PPFIBP1: variants seen among roughly 807,000 people sequenced by gnomAD.
PPFIBP1 encodes the protein PPFIB scaffold protein 1.
PPFIBP1 carries 112 observed loss-of-function variants against 137.8 expected under a neutral mutation model. The observed-to-expected ratio is 0.81, with a 90% confidence interval of 0.70 to 0.95. The LOEUF is 0.95. PPFIBP1 is among the 40% of genes least tolerant of loss of function. The probability of loss-of-function intolerance (pLI) is 0.00; values close to 1 mark genes in which losing one functional copy is unlikely to be tolerated. For missense variants in PPFIBP1, 1,083 were observed against 1,196.6 expected (o/e 0.91, Z 1.40); for synonymous variants, 378 against 417.3 (o/e 0.91, Z 1.15).
chr12:27,540,666 G>C (rs983234280), intron 1 of PPFIBP1, among the ~76,000 whole-genome samples: 5 of 152,206 alleles, frequency 3.3e-5, no homozygotes, highest in African/African-American at 1.2e-4. Context: ...ATTGTTGTCA[G>C]CTGCCCCAAA....
rs79595784 is a variant in PPFIBP1 at position 27,681,036 on chromosome 12, C to G, written c.1896-510C>G. Among the ~76,000 whole-genome samples the G allele has an allele frequency of 2.4e-4, 36 of 152,256 alleles. No homozygotes were observed. The East Asian group carries it at 5.8e-3, about 24-fold the overall frequency. On this transcript the variant is annotated intron_variant, in intron 21 of 29. Transcript: ENST00000228425. ...TCCCCTCCGCACCCTGCCCCCACCC[C>G]GGAACAAGAACACTATTTGTGTATC...
chr12:27,691,885 A>T lies in PPFIBP1; in HGVS notation c.2822A>T (p.Asp941Val), dbSNP rs772576670. 4.3e-6 allele frequency: 7 copies of T among 1,613,844 alleles called. No homozygotes were observed. The highest frequency in any genetic ancestry group is 5.9e-6 in the Non-Finnish European group (7 of 1,179,938). Residue 941 changes from aspartate to valine, a missense_variant, in exon 28 of 30, where the codon GAT becomes GTT. Asp to Val is a radical substitution (Grantham distance 152). Coordinates refer to ENST00000228425, the MANE Select transcript of PPFIBP1 (RefSeq NM_003622.4). ...AAGAAAGGATTTAAACCTGGTTTGGATATGCGCCTGTATGAGGAAGATGAT... is the reference window on the plus strand; with the variant it reads ...AAGAAAGGATTTAAACCTGGTTTGGTTATGCGCCTGTATGAGGAAGATGAT... ...ASKKGFKPGLDMRLYEEDDLD... is the reference protein window; with the variant it reads ...ASKKGFKPGLVMRLYEEDDLD...
chr12:27,631,438 C>T (rs1302150114), intron 2 of PPFIBP1, among the ~76,000 whole-genome samples: 2 of 152,176 alleles, frequency 1.3e-5, no homozygotes, highest in Non-Finnish European at 1.5e-5. Context: ...TAGCACCTAC[C>T]ACCTTCGCCA....
intron 2 of PPFIBP1, among the ~76,000 whole-genome samples, chr12:27,623,708 C>CA (rs540374642): frequency 1.1e-4 from 16 of 149,558 alleles, no homozygotes; most frequent in African/African-American, 2.9e-4. Flanking sequence ...GACCTTGTCT[C>CA]AAAAAAAACA....
intron 7 of PPFIBP1, 104 bp downstream of exon 7, chr12:27,650,245 G>A: frequency 2.1e-6 from 2 of 960,624 alleles, no homozygotes; most frequent in South Asian, 3.0e-5. Context: ...CCCTGGAGGT[G>A]TGCAAGGAAG....
At chr12:27,680,645 C>T (rs2060821739) in intron 21 of PPFIBP1, among the ~76,000 whole-genome samples, 1 of 152,164 alleles carries the variant, frequency 6.6e-6, no homozygotes, top group South Asian at 2.1e-4. Flanking sequence ...AAAATGCTAT[C>T]AGAATCCTTG....
At chr12:27,531,100 C>T (rs994822962) in intron 1 of PPFIBP1, among the ~76,000 whole-genome samples, 9 of 152,096 alleles carry the variant, frequency 5.9e-5, no homozygotes, top group African/African-American at 9.7e-5. Flanking sequence ...AAAATAAAAA[C>T]GTGTTATTTT....
intron 2 of PPFIBP1, among the ~76,000 whole-genome samples, chr12:27,629,641 T>A (rs767692626): frequency 1.3e-5 from 2 of 152,240 alleles, no homozygotes; most frequent in Non-Finnish European, 2.9e-5. Context: ...CAGGGAATCT[T>A]CCTCTCAGAA....
chr12:27,574,244 C>G (rs1205923656), intron 1 of PPFIBP1, among the ~76,000 whole-genome samples: 1 of 152,048 alleles, frequency 6.6e-6, no homozygotes, highest in East Asian at 1.9e-4. Context: ...GGATAGAGCT[C>G]TTTTTGCCAG....
At chr12:27,614,600 A>G (rs2055539630) in intron 2 of PPFIBP1, among the ~76,000 whole-genome samples, 1 of 152,132 alleles carries the variant, frequency 6.6e-6, no homozygotes, top group Admixed American at 6.5e-5. Context: ...CTAATGGGCC[A>G]GTTGTCAGGG....
intron 2 of PPFIBP1, among the ~76,000 whole-genome samples, chr12:27,622,533 T>C (rs151153805): frequency 5.9e-5 from 9 of 152,338 alleles, no homozygotes; most frequent in Non-Finnish European, 1.2e-4. Context: ...GCCACTTCAG[T>C]GGTTTTCACT....
chr12:27,611,418 T>C (rs1186894993), intron 2 of PPFIBP1, among the ~76,000 whole-genome samples: 1 of 152,164 alleles, frequency 6.6e-6, no homozygotes, highest in Non-Finnish European at 1.5e-5. Flanking sequence ...ATTTCCCCTT[T>C]TTATAAGGAT....
At chr12:27,629,847 A>G (rs772609769) in intron 2 of PPFIBP1, among the ~76,000 whole-genome samples, 7 of 152,220 alleles carry the variant, frequency 4.6e-5, no homozygotes, top group Non-Finnish European at 1.0e-4. Flanking sequence ...TTTAATAAAT[A>G]TGGATGGTCT....
At chr12:27,684,709 A>G (rs1447478448) in intron 24 of PPFIBP1, among the ~76,000 whole-genome samples, 1 of 150,350 alleles carries the variant, frequency 6.7e-6, no homozygotes, top group Non-Finnish European at 1.5e-5. Context: ...TTAATACTGG[A>G]TTCTCAATAA....
At chr12:27,664,686 CAG>C (rs1019582443) in intron 12 of PPFIBP1, among the ~76,000 whole-genome samples, 2 of 151,720 alleles carry the variant, frequency 1.3e-5, no homozygotes, top group Admixed American at 1.3e-4. Context: ...GATAGCATTC[CAG>C]AGAGAGAAAA....
At chr12:27,564,389 A>G (rs2049457469) in intron 1 of PPFIBP1, among the ~76,000 whole-genome samples, 1 of 152,254 alleles carries the variant, frequency 6.6e-6, no homozygotes, top group Admixed American at 6.5e-5. Flanking sequence ...AAACATTCAC[A>G]TAGCTCCTTT....
chr12:27,597,735 C>T (rs921701204), intron 2 of PPFIBP1, among the ~76,000 whole-genome samples: 6 of 151,916 alleles, frequency 3.9e-5, no homozygotes, highest in Non-Finnish European at 7.4e-5. Flanking sequence ...AGAGTGATCC[C>T]GAGGATAGAA....
rs549864625 is a variant in PPFIBP1 at position 27,569,848 on chromosome 12, C to T, written c.-123-8304C>T. ...TGCTGGGATTACCGGTGTGAGCCAC[C>T]GCGTCCAGCCTACATTTTATACAGT... On this transcript the variant is annotated intron_variant, in intron 1 of 29. Transcript: ENST00000228425. Among the ~76,000 whole-genome samples, 9 of 152,206 alleles carry T rather than the reference C, an allele frequency of 5.9e-5. No individual in the cohort carries two copies. The South Asian group carries it at 8.3e-4, about 14-fold the overall frequency.
intron 2 of PPFIBP1, among the ~76,000 whole-genome samples, chr12:27,589,720 A>G (rs2052252210): frequency 6.6e-6 from 1 of 152,196 alleles, no homozygotes; most frequent in Non-Finnish European, 1.5e-5. Flanking sequence ...CTTCTAAAGT[A>G]TTTTGGTTGA....
Sources: gnomAD v4.1 joint callset for allele counts (sites outside exome capture counted in the v4.1 genomes callset) on GRCh38, gnomAD v4.1.1 for gene constraint, MANE v1.5 for transcripts, NCBI Gene and HGNC (gene_info 2026-07-23, HGNC 2026-07-21) for gene names.